Variants in SLC12A8 observed in about 807,000 individuals in gnomAD.
SLC12A8 encodes the protein cation-chloride cotransporter 9.
A neutral mutation model predicts 75.6 loss-of-function variants in SLC12A8; 69 were observed. The ratio of observed to expected loss-of-function variants is 0.91; its 90% CI spans 0.75 to 1.11. The LOEUF (loss-of-function observed/expected upper bound fraction) is 1.11, where lower values mean the gene tolerates loss of function less well. Among genes scored for constraint, SLC12A8 ranks in the 50% most tolerant of loss-of-function variants. The pLI is 0.00. For missense variants in SLC12A8, 877 were observed against 896.7 expected (o/e 0.98, Z 0.28); for synonymous variants, 365 against 372.8 (o/e 0.98, Z 0.24).
chr3:125,211,906 G>A (rs1008957548), intron 1 of SLC12A8, among the ~76,000 whole-genome samples: 1 of 152,154 alleles, frequency 6.6e-6, no homozygotes. Flanking sequence ...GGAGATTGAA[G>A]AGGGTGAGTG....
At chr3:125,120,330 C>T (rs1206122557) in intron 7 of SLC12A8, among the ~76,000 whole-genome samples, 1 of 151,738 alleles carries the variant, frequency 6.6e-6, no homozygotes, top group Non-Finnish European at 1.5e-5. Context: ...GGGCGGGAGG[C>T]CGAGGAAAGG....
At chr3:125,118,973 C>T in intron 7 of SLC12A8, 117 bp from the exon 8 acceptor site, 2 of 684,434 alleles carry the variant, frequency 2.9e-6, no homozygotes. Flanking sequence ...GAGAGAAAGG[C>T]CAGTCATGAA....
chr3:125,190,580 T>G, intron 2 of SLC12A8, 59 bp from the exon 3 acceptor site: 1 of 1,592,312 alleles, frequency 6.3e-7, no homozygotes, highest in Non-Finnish European at 8.6e-7. Flanking sequence ...AGGGATGGCA[T>G]GAGAGTGGAA....
chr3:125,212,464 T>C (rs1935355925), intron 1 of SLC12A8, among the ~76,000 whole-genome samples: 1 of 151,848 alleles, frequency 6.6e-6, no homozygotes. Context: ...TACCCTCACG[T>C]TTGGGCCACG....
intron 10 of SLC12A8, among the ~76,000 whole-genome samples, chr3:125,100,048 T>G (rs938748305): frequency 7.2e-5 from 11 of 152,104 alleles, no homozygotes; most frequent in African/African-American, 2.7e-4. Flanking sequence ...AGATTTCAGA[T>G]GACAGAGGAA....
chr3:125,125,400 A>G (rs1055242336), intron 6 of SLC12A8, among the ~76,000 whole-genome samples: 1 of 152,114 alleles, frequency 6.6e-6, no homozygotes, highest in African/African-American at 2.4e-5. Flanking sequence ...TCTACTAAAA[A>G]TACAAAAAAT....
At chr3:125,084,626 T>G (rs569028811) in intron 13 of SLC12A8, among the ~76,000 whole-genome samples, 1 of 152,150 alleles carries the variant, frequency 6.6e-6, no homozygotes, top group Non-Finnish European at 1.5e-5. Flanking sequence ...ACAGTTTCGG[T>G]TGGAATAAAC....
chr3:125,189,727 G>C (rs957398723), intron 3 of SLC12A8, among the ~76,000 whole-genome samples: 2 of 152,196 alleles, frequency 1.3e-5, no homozygotes, highest in African/African-American at 4.8e-5. Flanking sequence ...GTGGTCTACT[G>C]AAGTCCCACT....
chr3:125,142,943 A>T (rs1236627998), intron 5 of SLC12A8, among the ~76,000 whole-genome samples: 5 of 152,246 alleles, frequency 3.3e-5, no homozygotes, highest in Non-Finnish European at 7.3e-5. Flanking sequence ...TTGTTGATAC[A>T]GGATGTGCTC....
In SLC12A8 at chr3:125,091,454, G is replaced by T. The variant is rs1377117630; in HGVS notation, c.1906C>A (p.Pro636Thr). The T allele has an allele frequency of 6.2e-7, 1 of 1,613,364 alleles. No individual in the cohort carries two copies. The highest frequency in any genetic ancestry group is 2.2e-5 in the East Asian group (1 of 44,878). ...IVYFYIGRAS[P>T]GLHLGSASNF... is the part of the protein sequence containing the mutation. ...TGCTGCTTACCAAGGTGAAGCCCTG[G>T]ACTGGCCCGGCCAATGTAGAAATAC... Residue 636 changes from proline (P) to threonine (T), a missense_variant, in exon 12 of 14, where the codon CCA becomes ACA. Physicochemically the swap from Pro to Thr is conservative, Grantham distance 38. Transcript: ENST00000469902.
chr3:125,112,228 A>G (rs1239115846), intron 8 of SLC12A8, among the ~76,000 whole-genome samples: 1 of 152,190 alleles, frequency 6.6e-6, no homozygotes, highest in African/African-American at 2.4e-5. Context: ...TCTTTAATTC[A>G]CTGTTGATTC....
chr3:125,129,059 A>G (rs528704697), intron 6 of SLC12A8, among the ~76,000 whole-genome samples: 1 of 152,330 alleles, frequency 6.6e-6, no homozygotes, highest in South Asian at 2.1e-4. Context: ...ACATTTCAGT[A>G]AAGGCTGTAG....
intron 10 of SLC12A8, among the ~76,000 whole-genome samples, chr3:125,105,438 T>C (rs1426123259): frequency 6.6e-6 from 1 of 152,158 alleles, no homozygotes; most frequent in South Asian, 2.1e-4. Context: ...AATACATTTC[T>C]GAAGAATTGG....
At chr3:125,108,461 T>C (rs1202155983) in intron 9 of SLC12A8, among the ~76,000 whole-genome samples, 1 of 152,080 alleles carries the variant, frequency 6.6e-6, no homozygotes, top group Non-Finnish European at 1.5e-5. Flanking sequence ...CTCCGCCTCT[T>C]GGGCTTAAGC....
intron 3 of SLC12A8, among the ~76,000 whole-genome samples, chr3:125,189,419 A>C (rs1270348254): frequency 6.6e-6 from 1 of 152,184 alleles, no homozygotes; most frequent in Non-Finnish European, 1.5e-5. Context: ...CTCACCCTTC[A>C]AAGCCTGGCT....
At chr3:125,159,541 A>G (rs1406691376) in intron 5 of SLC12A8, among the ~76,000 whole-genome samples, 1 of 152,264 alleles carries the variant, frequency 6.6e-6, no homozygotes, top group Non-Finnish European at 1.5e-5. Context: ...CAGAGAGAAA[A>G]TCTGAGAACC....
At chr3:125,142,074 G>A (rs1933662234) in intron 5 of SLC12A8, among the ~76,000 whole-genome samples, 1 of 152,216 alleles carries the variant, frequency 6.6e-6, no homozygotes, top group Non-Finnish European at 1.5e-5. Flanking sequence ...CGCCGCCTCT[G>A]GACAGCCCAG....
chr3:125,131,791 A>AC (rs1933364147), intron 6 of SLC12A8, among the ~76,000 whole-genome samples: 2 of 152,210 alleles, frequency 1.3e-5, no homozygotes, highest in Admixed American at 1.3e-4. Flanking sequence ...CTGGCCCTGG[A>AC]CAGGAGTGTC....
At chr3:125,136,014 C>A (rs1933486142) in intron 5 of SLC12A8, among the ~76,000 whole-genome samples, 1 of 152,156 alleles carries the variant, frequency 6.6e-6, no homozygotes, top group South Asian at 2.1e-4. Flanking sequence ...TGAAAGGAAG[C>A]AGTGGTTACT....
Sources: allele counts gnomAD v4.1 joint callset (sites outside exome capture counted in the v4.1 genomes callset), GRCh38; gene constraint gnomAD v4.1.1; transcripts MANE v1.5; gene names NCBI Gene and HGNC (gene_info 2026-07-23, HGNC 2026-07-21).